The following IQGAP1 variants were observed in gnomAD, a reference collection of about 807,000 sequenced individuals.
IQGAP1 encodes ras GTPase-activating-like protein IQGAP1.
In IQGAP1, 66 loss-of-function variants were observed where a neutral mutation model predicts 215.6. The ratio of observed to expected loss-of-function variants is 0.31; its 90% CI spans 0.25 to 0.38. The LOEUF (loss-of-function observed/expected upper bound fraction) is 0.38. Ranked by LOEUF, IQGAP1 falls within the 10% of genes least tolerant of loss-of-function variation. IQGAP1 has a pLI of 1.00. For synonymous variants in IQGAP1, 772 were observed against 728.7 expected, an observed-to-expected ratio of 1.06 and a Z score of -0.96; for missense variants, 1,712 against 1,997.1, an observed-to-expected ratio of 0.86 and a Z score of 2.72.
At position 90,483,597 on chromosome 15, in the gene IQGAP1, A is replaced by G. The variant is rs1474752285; in HGVS notation, c.3788+4A>G. 1 of 1,589,022 alleles carries G rather than the reference A, an allele frequency of 6.3e-7. No individual in the cohort carries two copies. The highest frequency in any genetic ancestry group is 8.6e-7 in the Non-Finnish European group (1 of 1,161,354). ...CCCAGTCCTACCAGAAATTCAGGTA[A>G]GGGGAAAGGCACAAGTGCTTAAGAG... On this transcript the variant is annotated splice_donor_region_variant and intron_variant, in intron 29 of 37. Transcript: ENST00000268182.
intron 5 of IQGAP1, among the ~76,000 whole-genome samples, chr15:90,437,294 C>A (rs1035333399): frequency 1.3e-5 from 2 of 152,212 alleles, no homozygotes; most frequent in African/African-American, 4.8e-5. Flanking sequence ...ACCAGGCCCC[C>A]ACCTGGGGAT....
chr15:90,402,732 G>T (rs1172305007), intron 2 of IQGAP1, among the ~76,000 whole-genome samples: 1 of 152,112 alleles, frequency 6.6e-6, no homozygotes, highest in Non-Finnish European at 1.5e-5. Flanking sequence ...AGAATGAATT[G>T]AGGAATACAA....
At chr15:90,489,877 T>TA (rs1966179219) in intron 33 of IQGAP1, among the ~76,000 whole-genome samples, 1 of 152,204 alleles carries the variant, frequency 6.6e-6, no homozygotes, top group Admixed American at 6.5e-5. Context: ...ATTTAATCCT[T>TA]ACAATATTCC....
At chr15:90,487,618 T>C (rs1966145187) in intron 33 of IQGAP1, 36 bp downstream of exon 33, 3 of 1,388,210 alleles carry the variant, frequency 2.2e-6, no homozygotes, top group South Asian at 1.2e-5. Context: ...CTTTGTTTGG[T>C]AGATAAGCTC....
chr15:90,484,456 A>G lies in IQGAP1; in HGVS notation c.3921+104A>G, dbSNP rs1026432186. ...CAGGTGTCTAACCTTCCTGTAATCT[A>G]ACTGACAATGCATCTCCTTGATGTC... On this transcript the variant is annotated intron_variant, in intron 30 of 37. Transcript: ENST00000268182. 3.8e-6 allele frequency: 3 copies of G among 787,728 alleles called. No homozygotes were observed. In the African/African-American group the frequency reaches 5.3e-5, roughly 14 times the overall value. 48.8% of individuals were successfully genotyped at this position (787,728 alleles called of 1,614,324 possible). A position where few individuals can be genotyped will look rare whatever the true frequency, so the allele number is the denominator to read the frequency against.
At chr15:90,455,863 C>T (rs1361986959) in intron 14 of IQGAP1, among the ~76,000 whole-genome samples, 1 of 152,144 alleles carries the variant, frequency 6.6e-6, no homozygotes, top group Non-Finnish European at 1.5e-5. Flanking sequence ...TACCTGAAAG[C>T]TATACAGTAA....
rs539326888 is a variant in IQGAP1 at position 90,392,492 on chromosome 15, C to A, written c.155+1619C>A. Among the ~76,000 whole-genome samples the A allele has an allele frequency of 1.2e-3, 189 of 152,274 alleles. 1 individual carries two copies. The highest frequency in any genetic ancestry group is 4.2e-3 in the African/African-American group (176 of 41,552). Reference sequence around the variant, plus strand: ...GCTTTGGTGATTCCACTGAGGTGACCTGGGGGTGAGAGGGAAGAGCTTCAA... The same window carrying A: ...GCTTTGGTGATTCCACTGAGGTGACATGGGGGTGAGAGGGAAGAGCTTCAA... On this transcript the variant is annotated intron_variant, in intron 2 of 37. Coordinates refer to ENST00000268182, the MANE Select transcript of IQGAP1 (RefSeq NM_003870.4).
Position 90,448,560 on chromosome 15 carries a change from C to CT in IQGAP1, c.914-7dup. 1 of 1,556,330 alleles carries CT rather than the reference C, an allele frequency of 6.4e-7. No individual in the cohort carries two copies. Among genetic ancestry groups the CT allele is most frequent in the Non-Finnish European group, 8.7e-7 (1 of 1,150,792 alleles). ...ACATAGTCCTTTCACAAGCTTTTGCCTTTTTTCCTCAGCATTTTCTGCATT... is the reference window on the plus strand; with the variant it reads ...ACATAGTCCTTTCACAAGCTTTTGCCTTTTTTTCCTCAGCATTTTCTGCATT... On this transcript the variant is annotated splice_polypyrimidine_tract_variant and intron_variant, in intron 9 of 37. Coordinates refer to ENST00000268182, the MANE Select transcript of IQGAP1 (RefSeq NM_003870.4).
At chr15:90,469,025 C>T (rs1427275665) in intron 18 of IQGAP1, among the ~76,000 whole-genome samples, 1 of 152,104 alleles carries the variant, frequency 6.6e-6, no homozygotes, top group African/African-American at 2.4e-5. Context: ...CTTGTCTATG[C>T]CCCCTAGTAG....
intron 24 of IQGAP1, 44 bp from the exon 25 acceptor site, chr15:90,477,023 C>A: frequency 6.4e-7 from 1 of 1,572,668 alleles, no homozygotes; most frequent in Non-Finnish European, 8.7e-7. Flanking sequence ...TCTTGCCAGC[C>A]TTTATATTAC....
intron 34 of IQGAP1, among the ~76,000 whole-genome samples, chr15:90,492,269 A>G (rs913378678): frequency 1.3e-5 from 2 of 152,084 alleles, no homozygotes; most frequent in African/African-American, 4.8e-5. Context: ...TCTACAAAAA[A>G]AAGTTTTTTA....
At chr15:90,456,823 GGTTGCAGTGA>G (rs1965687534) in intron 15 of IQGAP1, among the ~76,000 whole-genome samples, 1 of 150,842 alleles carries the variant, frequency 6.6e-6, no homozygotes, top group African/African-American at 2.4e-5. Flanking sequence ...GAGAGGTGGA[GGTTGCAGTGA>G]GCCGAGATTG....
intron 2 of IQGAP1, among the ~76,000 whole-genome samples, chr15:90,394,084 G>T (rs2151694266): frequency 6.9e-6 from 1 of 145,484 alleles, no homozygotes. Context: ...GCGGTAAGCT[G>T]AGACAGTGCC....
intron 36 of IQGAP1, among the ~76,000 whole-genome samples, 171 bp downstream of exon 36, chr15:90,495,006 A>G (rs981336285): frequency 2.3e-4 from 35 of 152,160 alleles, no homozygotes; most frequent in Middle Eastern, 3.2e-3. Flanking sequence ...ATTTGTCATA[A>G]AAGAGTTTTT....
intron 2 of IQGAP1, among the ~76,000 whole-genome samples, chr15:90,419,585 T>C (rs1329105517): frequency 2.0e-5 from 3 of 152,200 alleles, no homozygotes; most frequent in African/African-American, 7.2e-5. Context: ...GTTACATCTC[T>C]TGTGAAAAAC....
chr15:90,470,602 T>C (rs949761701), intron 18 of IQGAP1, among the ~76,000 whole-genome samples: 3 of 152,162 alleles, frequency 2.0e-5, no homozygotes, highest in African/African-American at 7.2e-5. Flanking sequence ...ATTTCCCTGA[T>C]CTGGCCTCAC....
At chr15:90,456,351 C>T (rs1965680367) in intron 15 of IQGAP1, 36 bp downstream of exon 15, 6 of 1,604,136 alleles carry the variant, frequency 3.7e-6, no homozygotes, top group Non-Finnish European at 5.1e-6. Context: ...ATGTTCAGAG[C>T]ACCTCAGCCC....
At chr15:90,481,803 G>A (rs987179487) in intron 26 of IQGAP1, among the ~76,000 whole-genome samples, 157 bp from the exon 27 acceptor site, 23 of 152,204 alleles carry the variant, frequency 1.5e-4, no homozygotes, top group African/African-American at 4.6e-4. Flanking sequence ...AAAAACCTGC[G>A]TTCAGATTCT....
chr15:90,445,693 T>C (rs1567128687), intron 9 of IQGAP1, among the ~76,000 whole-genome samples: 1 of 152,198 alleles, frequency 6.6e-6, no homozygotes, highest in Non-Finnish European at 1.5e-5. Flanking sequence ...CTCAAGATAC[T>C]CATAACAATA....
Sources: allele counts gnomAD v4.1 joint callset (sites outside exome capture counted in the v4.1 genomes callset), GRCh38; gene constraint gnomAD v4.1.1; transcripts MANE v1.5; gene names NCBI Gene and HGNC (gene_info 2026-07-23, HGNC 2026-07-21).